Variants in RSRC1 observed in about 807,000 individuals in gnomAD.
RSRC1 encodes serine/Arginine-related protein 53.
In RSRC1, 39 loss-of-function variants were observed where a neutral mutation model predicts 49.1. The observed-to-expected ratio is 0.79, with a 90% CI of 0.61 to 1.04. RSRC1 has a LOEUF of 1.04. Ranked by LOEUF, RSRC1 falls within the 50% of genes least tolerant of loss-of-function variation. RSRC1 has a pLI of 0.00. For synonymous variants in RSRC1, 143 were observed against 130.8 expected, an observed-to-expected ratio of 1.09 and a Z score of -0.63; for missense variants, 388 against 402.4, an observed-to-expected ratio of 0.96 and a Z score of 0.31.
At chr3:158,264,243 T>C (rs1725047552) in intron 4 of RSRC1, among the ~76,000 whole-genome samples, 1 of 152,158 alleles carries the variant, frequency 6.6e-6, no homozygotes, top group East Asian at 1.9e-4. Flanking sequence ...TGAATTTAAA[T>C]AATGTCTAAT....
chr3:158,240,160 G>C (rs1002443679), intron 4 of RSRC1, among the ~76,000 whole-genome samples: 21 of 151,912 alleles, frequency 1.4e-4, no homozygotes, highest in African/African-American at 5.1e-4. Context: ...TTGAATTGTT[G>C]CCTGTCTGCC....
intron 4 of RSRC1, among the ~76,000 whole-genome samples, chr3:158,247,993 C>T (rs1723999072): frequency 6.6e-6 from 1 of 152,190 alleles, no homozygotes; most frequent in Non-Finnish European, 1.5e-5. Context: ...GACCACACAC[C>T]TACCACCCAA....
chr3:158,351,052 G>C (rs189259028), intron 5 of RSRC1, among the ~76,000 whole-genome samples: 4 of 151,970 alleles, frequency 2.6e-5, no homozygotes, highest in Admixed American at 2.6e-4. Context: ...CACAATGAAG[G>C]CAACATAAAT....
chr3:158,473,055 C>T (rs567252145), intron 7 of RSRC1, among the ~76,000 whole-genome samples: 11 of 152,276 alleles, frequency 7.2e-5, no homozygotes, highest in African/African-American at 2.4e-4. Context: ...AACACTTTTA[C>T]ACTGTCGGTG....
intron 7 of RSRC1, among the ~76,000 whole-genome samples, chr3:158,463,629 T>A (rs1172966343): frequency 1.3e-5 from 2 of 152,152 alleles, no homozygotes; most frequent in Non-Finnish European, 2.9e-5. Context: ...ATCCACTCTC[T>A]GTTATCTCAG....
chr3:158,129,939 G>T (rs565826342), intron 3 of RSRC1, among the ~76,000 whole-genome samples: 1 of 152,154 alleles, frequency 6.6e-6, no homozygotes, highest in East Asian at 1.9e-4. Context: ...CTTTTCTTTA[G>T]TTTCTCCAAA....
intron 6 of RSRC1, among the ~76,000 whole-genome samples, chr3:158,458,166 G>A (rs1737438746): frequency 6.6e-6 from 1 of 152,032 alleles, no homozygotes; most frequent in Admixed American, 6.6e-5. Context: ...AGCATAGTAA[G>A]TTGTAGGAAA....
At chr3:158,244,332 G>A (rs183410928) in intron 4 of RSRC1, among the ~76,000 whole-genome samples, 1 of 152,120 alleles carries the variant, frequency 6.6e-6, no homozygotes, top group Non-Finnish European at 1.5e-5. Context: ...CAACATGAAG[G>A]GATGTTGAAT....
chr3:158,145,667 A>G (rs978759808), intron 3 of RSRC1, among the ~76,000 whole-genome samples: 2 of 152,170 alleles, frequency 1.3e-5, no homozygotes, highest in Non-Finnish European at 1.5e-5. Flanking sequence ...AATTCTGTGA[A>G]GAAAGTCATT....
chr3:158,475,725 TCTC>T (rs1168979314), intron 7 of RSRC1, among the ~76,000 whole-genome samples: 1 of 37,004 alleles, frequency 2.7e-5, no homozygotes, highest in African/African-American at 1.6e-4. Context: ...TGGCTATTCC[TCTC>T]TCTCTCTCTC....
At chr3:158,400,381 A>G (rs950036977) in intron 6 of RSRC1, among the ~76,000 whole-genome samples, 16 of 152,114 alleles carry the variant, frequency 1.1e-4, no homozygotes, top group African/African-American at 3.4e-4. Flanking sequence ...TTACTGTATC[A>G]TATTTTTATT....
At chr3:158,283,044 T>C (rs1219390164) in intron 4 of RSRC1, among the ~76,000 whole-genome samples, 1 of 152,198 alleles carries the variant, frequency 6.6e-6, no homozygotes. Context: ...CTATTTCACA[T>C]TCTCCATCTC....
Position 158,539,305 on chromosome 3 carries a change from G to A in RSRC1, c.759+2107G>A, listed in dbSNP as rs1265648250. 6.6e-6 allele frequency among the ~76,000 whole-genome samples: 1 copy of A among 152,054 alleles called. No homozygotes were observed. The highest frequency in any genetic ancestry group is 2.4e-5 in the African/African-American group (1 of 41,424). On this transcript the variant is annotated intron_variant, in intron 8 of 9. Transcript: ENST00000611884. This position sits in a 1 kb window ranked among gnomAD's most constrained non-coding sequence, Gnocchi z 4.1. ...AAGCTAGGGAGCTTTTACCAGAAAA[G>A]TGGCTATTACCAGTGACATGCTAGA... is the stretch of plus-strand genomic sequence containing the variant.
chr3:158,229,408 GTA>G (rs1559952832), intron 4 of RSRC1, among the ~76,000 whole-genome samples: 6 of 143,698 alleles, frequency 4.2e-5, no homozygotes, highest in African/African-American at 1.3e-4. Context: ...ACATACACAC[GTA>G]TATGTGTATG....
chr3:158,306,255 G>A (rs937706121), intron 5 of RSRC1, among the ~76,000 whole-genome samples: 9 of 151,566 alleles, frequency 5.9e-5, no homozygotes, highest in Admixed American at 2.6e-4. Context: ...CTGTTTTCAG[G>A]CATATATATG....
At chr3:158,466,705 A>G (rs1195107113) in intron 7 of RSRC1, among the ~76,000 whole-genome samples, 1 of 152,192 alleles carries the variant, frequency 6.6e-6, no homozygotes, top group Non-Finnish European at 1.5e-5. Flanking sequence ...CTGCGACTCT[A>G]AAGTGGGGAA....
intron 1 of RSRC1, among the ~76,000 whole-genome samples, chr3:158,118,372 TAGAGGCATGTGCCACCA>T (rs2108157091): frequency 6.6e-6 from 1 of 150,790 alleles, no homozygotes; most frequent in East Asian, 2.0e-4. Flanking sequence ...TAGCTAGTAC[TAGAGGCATGTGCCACCA>T]TGCCTAGCTA....
At chr3:158,530,195 T>G (rs1712301117) in intron 7 of RSRC1, among the ~76,000 whole-genome samples, 1 of 151,968 alleles carries the variant, frequency 6.6e-6, no homozygotes, top group South Asian at 2.1e-4. Context: ...TTAGCCAACT[T>G]CCGTGTCTTT....
intron 6 of RSRC1, among the ~76,000 whole-genome samples, chr3:158,392,179 T>G (rs557816908): frequency 6.6e-6 from 1 of 152,258 alleles, no homozygotes; most frequent in African/African-American, 2.4e-5. Flanking sequence ...TTCTGCAATT[T>G]TACATGTAAT....
Sources: gnomAD v4.1 joint callset for allele counts (sites outside exome capture counted in the v4.1 genomes callset) on GRCh38, gnomAD v4.1.1 for gene constraint, Gnocchi (gnomAD v3.1) non-coding constraint, MANE v1.5 for transcripts, NCBI Gene and HGNC (gene_info 2026-07-23, HGNC 2026-07-21) for gene names.